The following ENKUR variants were observed in gnomAD, a reference collection of about 807,000 sequenced individuals.
The protein encoded by ENKUR is enkurin, TRPC channel interacting protein.
In ENKUR, 19 loss-of-function variants were observed where a neutral mutation model predicts 27.6. The observed-to-expected ratio is 0.69, with a 90% CI of 0.48 to 1.01. ENKUR has a LOEUF of 1.01. ENKUR is among the 50% of genes least tolerant of loss of function. ENKUR has a pLI of 0.00. For synonymous variants in ENKUR, 117 were observed against 96.9 expected, an observed-to-expected ratio of 1.21 and a Z score of -1.22; for missense variants, 312 against 310.5, an observed-to-expected ratio of 1.00 and a Z score of -0.04.
chr10:25,043,627 GT>G (rs1349489240), intron 2 of ENKUR, among the ~76,000 whole-genome samples: 2 of 151,986 alleles, frequency 1.3e-5, no homozygotes, highest in Non-Finnish European at 2.9e-5. Flanking sequence ...ACAGGCTAAT[GT>G]TTTGGATCAA....
At chr10:25,031,569 A>G (rs1478652832) in intron 2 of ENKUR, among the ~76,000 whole-genome samples, 1 of 152,106 alleles carries the variant, frequency 6.6e-6, no homozygotes, top group African/African-American at 2.4e-5. Context: ...TAAAATATTA[A>G]ATAACTGAAA....
upstream of ENKUR, among the ~76,000 whole-genome samples, chr10:25,017,038 GGGACCGCCCCTT>G (rs1339372682): frequency 6.6e-6 from 1 of 152,136 alleles, no homozygotes; most frequent in Non-Finnish European, 1.5e-5. Flanking sequence ...CCCTGCTCCC[GGGACCGCCCCTT>G]GGGCGGTCCT....
At chr10:25,057,380 T>TACAC (rs139515865) in intron 2 of ENKUR, among the ~76,000 whole-genome samples, 2,353 of 117,744 alleles carry the variant, frequency 0.02, 26 homozygotes, top group Middle Eastern at 0.035. Flanking sequence ...TGCACTTTGG[T>TACAC]ACACACACAC....
rs1588641645 is a variant in ENKUR, at chr10:24,982,121, G to A, written c.*2249C>T. The A allele has an allele frequency of 1.3e-5, 2 of 152,286 alleles. No homozygotes were observed. Among genetic ancestry groups the A allele is most frequent in the East Asian group, 3.9e-4 (2 of 5,186 alleles). 9.4% of individuals were successfully genotyped at this position (152,286 alleles called of 1,614,324 possible). Reference sequence around the variant, plus strand: ...CCCCCATAAGCTTGAAATGTTCATGGAAAACAGGCAAATAACCAGATATGC... The same window carrying A: ...CCCCCATAAGCTTGAAATGTTCATGAAAAACAGGCAAATAACCAGATATGC... On this transcript the variant is annotated 3_prime_UTR_variant, in exon 6 of 6. Transcript: ENST00000331161.
chr10:25,046,951 G>GA (rs1294261073), intron 2 of ENKUR, among the ~76,000 whole-genome samples: 11 of 152,120 alleles, frequency 7.2e-5, no homozygotes, highest in Non-Finnish European at 1.6e-4. Flanking sequence ...TATTTAGGTG[G>GA]AAAAAGTGAG....
intron 2 of ENKUR, chr10:25,026,544 C>T: frequency 6.0e-6 from 1 of 166,870 alleles, no homozygotes. Context: ...GCAGCTGAAA[C>T]TGCACACAAC....
At chr10:25,020,185 G>A (rs1850688406), upstream of ENKUR, among the ~76,000 whole-genome samples, 1 of 151,552 alleles carries the variant, frequency 6.6e-6, no homozygotes. Context: ...ATGTTTGTGG[G>A]AAATAATATT....
chr10:25,041,680 C>T (rs571780608), intron 2 of ENKUR, among the ~76,000 whole-genome samples: 1 of 152,110 alleles, frequency 6.6e-6, no homozygotes, highest in African/African-American at 2.4e-5. Flanking sequence ...TCTGTCATCC[C>T]CATTCTTATG....
intron 1 of ENKUR, among the ~76,000 whole-genome samples, chr10:25,004,387 C>A (rs146227239): frequency 1.3e-5 from 2 of 152,298 alleles, no homozygotes; most frequent in East Asian, 3.9e-4. Context: ...AATTTACACT[C>A]CCATCAGCAG....
At chr10:25,053,916 C>A (rs1851216518) in intron 2 of ENKUR, among the ~76,000 whole-genome samples, 1 of 152,076 alleles carries the variant, frequency 6.6e-6, no homozygotes, top group Non-Finnish European at 1.5e-5. Flanking sequence ...TGGTTGGAGC[C>A]CCCAAGCATC....
chr10:25,019,112 A>G (rs1194010766), upstream of ENKUR, among the ~76,000 whole-genome samples: 3 of 152,210 alleles, frequency 2.0e-5, no homozygotes, highest in African/African-American at 7.2e-5. Flanking sequence ...GTGTCCTGAT[A>G]CACAGTTAGT....
In ENKUR at chr10:25,002,452, T is replaced by G. The variant is rs74879260; in HGVS notation, c.78-2906A>C. On this transcript the variant is annotated intron_variant, in intron 1 of 5. Transcript: ENST00000331161. ...TAGGCTTTGTTTTAATTTTTTCTTC[T>G]GGATCTTGGCCTGGAATTTCTCTCC... Among the ~76,000 whole-genome samples, 417 of 152,338 alleles carry G rather than the reference T, an allele frequency of 2.7e-3. 1 individual carries two copies. The highest frequency in any genetic ancestry group is 7.7e-3 in the South Asian group (37 of 4,828).
intron 1 of ENKUR, among the ~76,000 whole-genome samples, chr10:25,003,157 C>A (rs1588658496): frequency 6.6e-6 from 1 of 151,144 alleles, no homozygotes; most frequent in Non-Finnish European, 1.5e-5. Flanking sequence ...TTCAGTGTTT[C>A]TTTAATTAAT....
chr10:25,038,034 G>C (rs554170625), intron 2 of ENKUR, among the ~76,000 whole-genome samples: 1 of 152,248 alleles, frequency 6.6e-6, no homozygotes, highest in Non-Finnish European at 1.5e-5. Context: ...TTATTGGGCA[G>C]CCTTAATGGA....
At chr10:25,023,655 T>C (rs773061897) in intron 2 of ENKUR, 2 of 1,614,146 alleles carry the variant, frequency 1.2e-6, no homozygotes, top group Non-Finnish European at 1.7e-6. Context: ...GCATGTGGCA[T>C]CTGAAGAAAA....
chr10:25,013,806 G>A (rs12773928), intron 1 of ENKUR, among the ~76,000 whole-genome samples: 17,889 of 152,120 alleles, frequency 0.12, 1,346 homozygotes, highest in South Asian at 0.21. Context: ...GCCAGGCATG[G>A]TAGCAGGGAC....
At chr10:25,025,711 TG>T in intron 2 of ENKUR, 1 of 400,698 alleles carries the variant, frequency 2.5e-6, no homozygotes, top group Non-Finnish European at 4.6e-6. Flanking sequence ...TCATGAGGGG[TG>T]TATCAATTTC....
chr10:25,016,003 C>T lies in ENKUR; in HGVS notation c.-67G>A. 1 of 1,556,136 alleles carries T rather than the reference C, an allele frequency of 6.4e-7. No homozygotes were observed. The highest frequency in any genetic ancestry group is 8.7e-7 in the Non-Finnish European group (1 of 1,151,566). On this transcript the variant is annotated 5_prime_UTR_variant, in exon 1 of 6. Coordinates refer to ENST00000331161, the MANE Select transcript of ENKUR (RefSeq NM_145010.4). ...TTTCTCCCTGTCCCAGTATCTCCGT[C>T]CCTTTCTTCACTGCTTCCCCTTTCT...
intron 2 of ENKUR, among the ~76,000 whole-genome samples, chr10:25,038,960 T>A (rs981953674): frequency 6.6e-6 from 1 of 152,208 alleles, no homozygotes; most frequent in Non-Finnish European, 1.5e-5. Flanking sequence ...ATTACTGAGA[T>A]CACCTTGATA....
Sources: gnomAD v4.1 joint callset for allele counts (sites outside exome capture counted in the v4.1 genomes callset) on GRCh38, gnomAD v4.1.1 for gene constraint, MANE v1.5 for transcripts, NCBI Gene and HGNC (gene_info 2026-07-23, HGNC 2026-07-21) for gene names.